The following GPC6 variants were observed in gnomAD, a reference collection of about 807,000 sequenced individuals.
The protein encoded by GPC6 is glypican 6, also known as glypican-6.
In GPC6, 14 loss-of-function variants were observed where a neutral mutation model predicts 55.2. That is an observed-to-expected ratio of 0.25 (90% CI 0.17 to 0.40). The LOEUF (loss-of-function observed/expected upper bound fraction) is 0.40. GPC6 is among the 10% of genes least tolerant of loss of function. GPC6 has a pLI of 1.00. For missense variants in GPC6, 641 were observed against 708.5 expected, an observed-to-expected ratio of 0.90 and a Z score of 1.08; for synonymous variants, 278 against 259.6, an observed-to-expected ratio of 1.07 and a Z score of -0.68.
intron 4 of GPC6, among the ~76,000 whole-genome samples, chr13:94,113,645 G>A (rs988388820): frequency 1.3e-5 from 2 of 152,068 alleles, no homozygotes; most frequent in African/African-American, 2.4e-5. Flanking sequence ...TAGGATGTTA[G>A]GGAAAATATT....
chr13:93,960,849 G>T (rs1352375933), intron 3 of GPC6, among the ~76,000 whole-genome samples: 13 of 121,058 alleles, frequency 1.1e-4, no homozygotes, highest in African/African-American at 2.9e-4. Flanking sequence ...GTCTTGCTCT[G>T]TCGCCCAGGC....
At chr13:93,738,495 A>C (rs998948203) in intron 2 of GPC6, among the ~76,000 whole-genome samples, 17 of 152,332 alleles carry the variant, frequency 1.1e-4, no homozygotes, top group African/African-American at 3.8e-4. Flanking sequence ...TTTAAAAACA[A>C]AATTAAAATT....
chr13:93,276,493 AGAGTGTGTGTGTGT>A (rs1555286937), intron 1 of GPC6, among the ~76,000 whole-genome samples: 1,250 of 92,850 alleles, frequency 0.013, 25 homozygotes, highest in Admixed American at 0.096. Context: ...AGAGAGAGAG[AGAGTGTGTGTGTGT>A]GTGTGTGTGT....
chr13:93,856,476 C>T lies in GPC6; in HGVS notation c.711+25931C>T, dbSNP rs530466907. Among the ~76,000 whole-genome samples the T allele has an allele frequency of 2.6e-5, 4 of 151,562 alleles. No homozygotes were observed. In the East Asian group the frequency reaches 7.8e-4, roughly 30 times the overall value. The stretch of plus-strand genomic sequence containing the variant: ...ACTACAAAAATATCAGAATAAGAGA[C>T]AAAGGAACATAGGCAAATGAGAAAT... On this transcript the variant is annotated intron_variant, in intron 3 of 8. Coordinates refer to ENST00000377047, the MANE Select transcript of GPC6 (RefSeq NM_005708.5).
chr13:93,652,712 G>C (rs562689084), intron 2 of GPC6, among the ~76,000 whole-genome samples: 4 of 152,252 alleles, frequency 2.6e-5, no homozygotes, highest in African/African-American at 9.6e-5. Flanking sequence ...CACTAACATG[G>C]TCTTTTCCAT....
intron 2 of GPC6, among the ~76,000 whole-genome samples, chr13:93,637,986 T>TA (rs1449065855): frequency 6.6e-6 from 1 of 151,760 alleles, no homozygotes; most frequent in Non-Finnish European, 1.5e-5. Flanking sequence ...CCTTAAAAAA[T>TA]AAAAAATAAT....
intron 2 of GPC6, among the ~76,000 whole-genome samples, chr13:93,690,238 A>T (rs1430994739): frequency 6.6e-6 from 1 of 152,036 alleles, no homozygotes; most frequent in Non-Finnish European, 1.5e-5. Context: ...TATATAATTG[A>T]CCTGGGTAAT....
intron 2 of GPC6, among the ~76,000 whole-genome samples, chr13:93,710,993 C>A (rs1329635153): frequency 6.6e-6 from 1 of 151,746 alleles, no homozygotes; most frequent in Non-Finnish European, 1.5e-5. Context: ...CTTGTTCATT[C>A]TTTTTCCACC....
chr13:93,887,990 A>G (rs1234775217), intron 3 of GPC6, among the ~76,000 whole-genome samples: 1 of 152,144 alleles, frequency 6.6e-6, no homozygotes, highest in East Asian at 1.9e-4. Flanking sequence ...ACTCCATAGC[A>G]TAAGTCACAT....
chr13:93,331,841 C>T (rs559748460), intron 1 of GPC6, among the ~76,000 whole-genome samples: 55 of 152,140 alleles, frequency 3.6e-4, no homozygotes, highest in African/African-American at 1.2e-3. Context: ...TACCTATTAG[C>T]CAACCTTTCT....
intron 1 of GPC6, among the ~76,000 whole-genome samples, chr13:93,284,980 G>A (rs1406026265): frequency 1.3e-5 from 2 of 152,150 alleles, no homozygotes; most frequent in African/African-American, 4.8e-5. Context: ...ACTAAGTAAA[G>A]AGGGAGTAGA....
At chr13:93,451,344 A>C (rs1867591) in intron 1 of GPC6, among the ~76,000 whole-genome samples, 33,324 of 152,102 alleles carry the variant, frequency 0.22, 4,144 homozygotes, top group Middle Eastern at 0.32. Context: ...ATTCATTTAG[A>C]TGTTGTATTA....
rs148271066 is a variant in GPC6 at position 93,661,225 on chromosome 13, T to G, written c.319+115804T>G. 1.3e-4 allele frequency among the ~76,000 whole-genome samples: 20 copies of G among 152,178 alleles called. No individual in the cohort carries two copies. In the East Asian group the frequency reaches 3.9e-3, roughly 29 times the overall value. ...TTTTCTTTTTTATTTATTAGGAGTA[T>G]TATTTTTTGAGAGAGCCTCACTCTG... On this transcript the variant is annotated intron_variant, in intron 2 of 8. Coordinates refer to ENST00000377047, the MANE Select transcript of GPC6 (RefSeq NM_005708.5).
At chr13:94,160,492 A>T (rs1566482708) in intron 4 of GPC6, among the ~76,000 whole-genome samples, 1 of 152,246 alleles carries the variant, frequency 6.6e-6, no homozygotes, top group East Asian at 1.9e-4. Context: ...TTCAACAATT[A>T]TTAGGAATTT....
At chr13:93,873,686 G>A (rs924879608) in intron 3 of GPC6, among the ~76,000 whole-genome samples, 2 of 151,856 alleles carry the variant, frequency 1.3e-5, no homozygotes, top group African/African-American at 2.4e-5. Context: ...AAATCTGTCA[G>A]TATTTCACTA....
chr13:93,233,190 C>A (rs1876119686), intron 1 of GPC6, among the ~76,000 whole-genome samples: 1 of 152,052 alleles, frequency 6.6e-6, no homozygotes, highest in East Asian at 1.9e-4. Context: ...GTACTATTGA[C>A]TCCCTGGGAT....
intron 3 of GPC6, among the ~76,000 whole-genome samples, chr13:93,866,247 T>C (rs568110784): frequency 6.6e-6 from 1 of 151,808 alleles, no homozygotes; most frequent in African/African-American, 2.4e-5. Context: ...GTGTAAACAA[T>C]TGTAGTGTAG....
In GPC6 at chr13:93,956,478, A is replaced by G. The variant is rs1376190016; in HGVS notation, c.712-71251A>G. On this transcript the variant is annotated intron_variant, in intron 3 of 8. Transcript: ENST00000377047. ...AAATTCACATTAAATACAAACCATG[A>G]CTACTTGTTTCCCTGGGCCAAAAGT... Among the ~76,000 whole-genome samples the G allele has an allele frequency of 3.9e-5, 6 of 152,336 alleles. No individual in the cohort carries two copies. The East Asian group carries it at 1.2e-3, about 29-fold the overall frequency.
chr13:94,403,120 G>T lies in GPC6; in HGVS notation c.1571G>T (p.Arg524Leu). The change falls in exon 9 of 9, where the codon CGG becomes CTG. Residue 524 changes from arginine (R) to leucine (L), a missense_variant. Physicochemically the swap from Arg to Leu is moderately radical, Grantham distance 102 (BLOSUM62 -2). Coordinates refer to ENST00000377047, the MANE Select transcript of GPC6 (RefSeq NM_005708.5). ...TTEAPAVDPD[R>L]REVDSSAAQR... ...GAGGCCCCCGCAGTGGATCCCGACC[G>T]GAGAGAGGTGGACTCTTCTGCAGCC... 1 of 1,613,676 alleles carries T rather than the reference G, an allele frequency of 6.2e-7. No homozygotes were observed. Among genetic ancestry groups the T allele is most frequent in the African/African-American group, 1.3e-5 (1 of 75,046 alleles).
Sources: allele counts gnomAD v4.1 joint callset (sites outside exome capture counted in the v4.1 genomes callset), GRCh38; gene constraint gnomAD v4.1.1; transcripts MANE v1.5; gene names NCBI Gene and HGNC (gene_info 2026-07-23, HGNC 2026-07-21).